The following NTRK3 variants were observed in gnomAD, a reference collection of about 807,000 sequenced individuals.
The protein encoded by NTRK3 is neurotrophic receptor tyrosine kinase 3.
NTRK3 carries 24 observed loss-of-function variants against 91.7 expected under a neutral mutation model. The observed-to-expected ratio is 0.26, with a 90% CI of 0.19 to 0.37. NTRK3 has a LOEUF of 0.37. Among genes scored for constraint, NTRK3 ranks in the 10% least tolerant of loss-of-function variants. The pLI, the probability that NTRK3 is intolerant of heterozygous loss-of-function variation, is 1.00. For synonymous variants in NTRK3, 483 were observed against 404.0 expected, an observed-to-expected ratio of 1.20 and a Z score of -2.34; for missense variants, 880 against 1,068.9, an observed-to-expected ratio of 0.82 and a Z score of 2.46.
chr15:88,024,756 A>G (rs1235982458), intron 14 of NTRK3, among the ~76,000 whole-genome samples: 1 of 151,114 alleles, frequency 6.6e-6, no homozygotes, highest in Admixed American at 6.6e-5. Flanking sequence ...CTTCTGGGAA[A>G]GTGAAAAGAA....
chr15:88,054,610 T>G (rs2045522822), intron 13 of NTRK3, among the ~76,000 whole-genome samples: 1 of 152,090 alleles, frequency 6.6e-6, no homozygotes, highest in Non-Finnish European at 1.5e-5. Flanking sequence ...CACCTCCTAT[T>G]TCAGTTCTGG....
intron 11 of NTRK3, 44 bp downstream of exon 11, chr15:88,128,667 A>G: frequency 6.3e-7 from 1 of 1,599,052 alleles, no homozygotes; most frequent in Non-Finnish European, 8.6e-7. Flanking sequence ...TACCGATAGT[A>G]TCAGAATAAA....
At chr15:87,958,254 A>G (rs1226828245) in intron 14 of NTRK3, among the ~76,000 whole-genome samples, 1 of 151,270 alleles carries the variant, frequency 6.6e-6, no homozygotes, top group African/African-American at 2.4e-5. Context: ...GACCCACCTC[A>G]ACAAAAGCGA....
At chr15:88,065,207 G>A (rs1221061156) in intron 13 of NTRK3, among the ~76,000 whole-genome samples, 4 of 152,256 alleles carry the variant, frequency 2.6e-5, no homozygotes, top group Middle Eastern at 3.4e-3. Flanking sequence ...AGCACTGAAA[G>A]TTCTGGCCCT....
intron 17 of NTRK3, chr15:87,925,441 G>GCGCACACA (rs113585685): frequency 5.7e-6 from 1 of 176,292 alleles, no homozygotes; most frequent in South Asian, 2.1e-4. Flanking sequence ...ACACGTGTAT[G>GCGCACACA]CACACACACA....
rs3803408 is a variant in NTRK3, at chr15:87,875,186, C to T, written c.*1749G>A. On this transcript the variant is annotated 3_prime_UTR_variant, in exon 19 of 19. Transcript: ENST00000394480. ...TTCAGCTGGCAGGGAAAAGGGTAGG[C>T]CAGAGGCCCCCGGGAGGTGAGCTCC... The T allele has an allele frequency of 1.4e-3, 314 of 231,198 alleles. 2 individuals are homozygous for T. In the East Asian group the frequency reaches 0.019, roughly 14 times the overall value. 14.3% of individuals were successfully genotyped at this position (231,198 alleles called of 1,614,324 possible). A position where few individuals can be genotyped will look rare whatever the true frequency, so the allele number is the denominator to read the frequency against.
Position 87,874,263 on chromosome 15 carries a change from G to A in NTRK3, c.*2672C>T, listed in dbSNP as rs912407374. Reference sequence around the variant, plus strand: ...ATATCAAAGTAATATATCTTCCCTCGCTACCCTTCCCTGCTCTGCCCCTCT... The same window carrying A: ...ATATCAAAGTAATATATCTTCCCTCACTACCCTTCCCTGCTCTGCCCCTCT... On this transcript the variant is annotated 3_prime_UTR_variant, in exon 19 of 19. Transcript: ENST00000394480. 21 of 87,944 alleles carry A rather than the reference G, an allele frequency of 2.4e-4. No homozygotes were observed. The African/African-American group carries it at 2.7e-3, about 11-fold the overall frequency. The allele number at this position is 87,944 out of a possible 1,614,324, so 5.4% of individuals were successfully genotyped here. A position where few individuals can be genotyped will look rare whatever the true frequency, so the allele number is the denominator to read the frequency against.
chr15:88,085,814 C>T (rs547445433), intron 13 of NTRK3, among the ~76,000 whole-genome samples: 5 of 152,258 alleles, frequency 3.3e-5, no homozygotes, highest in African/African-American at 1.2e-4. Context: ...TGTGATTGTT[C>T]GTTTATTACT....
intron 13 of NTRK3, among the ~76,000 whole-genome samples, chr15:88,077,626 G>A (rs1410840199): frequency 2.6e-5 from 4 of 152,090 alleles, no homozygotes; most frequent in African/African-American, 4.8e-5. Context: ...CAACGACGAC[G>A]TTATATCTCC....
At chr15:87,922,013 G>C (rs2067914184) in intron 17 of NTRK3, among the ~76,000 whole-genome samples, 1 of 152,080 alleles carries the variant, frequency 6.6e-6, no homozygotes, top group South Asian at 2.1e-4. Context: ...ACATCATCTG[G>C]GCAGAGAAGA....
At chr15:88,179,287 A>T (rs2046259993) in intron 5 of NTRK3, among the ~76,000 whole-genome samples, 1 of 152,214 alleles carries the variant, frequency 6.6e-6, no homozygotes, top group African/African-American at 2.4e-5. Context: ...TGCTTCTGTG[A>T]AAAAACATTG....
At chr15:87,915,788 ACTTAT>A (rs1032554198) in intron 17 of NTRK3, among the ~76,000 whole-genome samples, 12 of 152,138 alleles carry the variant, frequency 7.9e-5, no homozygotes, top group South Asian at 2.1e-4. Flanking sequence ...CAATTTGAAT[ACTTAT>A]CTTATTTAAT....
At chr15:88,156,631 T>C (rs1161569630) in intron 5 of NTRK3, among the ~76,000 whole-genome samples, 1 of 152,120 alleles carries the variant, frequency 6.6e-6, no homozygotes. Context: ...TGAGTGGTTC[T>C]CTCTGCAGAC....
At chr15:87,899,260 G>T (rs1242546543) in intron 17 of NTRK3, among the ~76,000 whole-genome samples, 5 of 152,142 alleles carry the variant, frequency 3.3e-5, no homozygotes, top group African/African-American at 1.2e-4. Flanking sequence ...CTGGATTAGG[G>T]AGTAATTTTC....
intron 14 of NTRK3, among the ~76,000 whole-genome samples, chr15:87,988,787 T>C (rs1167831169): frequency 7.2e-5 from 11 of 152,246 alleles, no homozygotes; most frequent in African/African-American, 2.7e-4. Flanking sequence ...AAGGATAATC[T>C]GTCTTTCCAA....
intron 13 of NTRK3, among the ~76,000 whole-genome samples, chr15:88,069,465 G>A (rs2046926047): frequency 1.3e-5 from 2 of 152,212 alleles, no homozygotes; most frequent in African/African-American, 4.8e-5. Flanking sequence ...GGATTCCAAG[G>A]ATGATGCAGC....
intron 14 of NTRK3, among the ~76,000 whole-genome samples, chr15:87,974,020 G>C (rs768483901): frequency 6.6e-6 from 1 of 152,182 alleles, no homozygotes; most frequent in East Asian, 1.9e-4. Flanking sequence ...GTCCTGCATT[G>C]ATCTGCCCGC....
At position 88,252,642 on chromosome 15, in the gene NTRK3, G is replaced by A. The variant is rs186007374; in HGVS notation, c.248+3264C>T. The A allele has an allele frequency of 1.0e-3, 154 of 152,514 alleles. 1 individual carries two copies. Among genetic ancestry groups the A allele is most frequent in the African/African-American group, 3.6e-3 (149 of 41,578 alleles). The allele number at this position is 152,514 out of a possible 1,614,324, so 9.4% of individuals were successfully genotyped here. A position where few individuals can be genotyped will look rare whatever the true frequency, so the allele number is the denominator to read the frequency against. On this transcript the variant is annotated intron_variant, in intron 3 of 18. Transcript: ENST00000394480. ...CAAAGCGGCCCAGACAGTCCACCAT[G>A]GCCACCACCCTCCTGCCTTTGTGAC...
intron 13 of NTRK3, among the ~76,000 whole-genome samples, chr15:88,097,011 G>C (rs2049681169): frequency 6.6e-6 from 1 of 152,208 alleles, no homozygotes. Context: ...GAGTCTGGTA[G>C]TGCTTTAGGC....
Sources: allele counts gnomAD v4.1 joint callset (sites outside exome capture counted in the v4.1 genomes callset), GRCh38; gene constraint gnomAD v4.1.1; transcripts MANE v1.5; gene names NCBI Gene and HGNC (gene_info 2026-07-23, HGNC 2026-07-21).